Variants in SNTB2 observed in about 807,000 individuals in gnomAD.
The protein encoded by SNTB2 is syntrophin beta 2.
Under a neutral mutation model 46.2 loss-of-function variants are expected in SNTB2, and 34 were observed. That is an observed-to-expected ratio of 0.74 (90% confidence interval 0.56 to 0.98). The LOEUF (loss-of-function observed/expected upper bound fraction) is 0.98. Among genes scored for constraint, SNTB2 ranks in the 50% least tolerant of loss-of-function variants. The pLI, the probability that SNTB2 is intolerant of heterozygous loss-of-function variation, is 0.00. For synonymous variants in SNTB2, 290 were observed against 312.6 expected (o/e 0.93, Z 0.76); for missense variants, 603 against 731.4 (o/e 0.82, Z 2.02).
intron 1 of SNTB2, among the ~76,000 whole-genome samples, chr16:69,208,971 A>AGTGTGTGTGTGTGTGTGT (rs570119837): frequency 1.3e-5 from 2 of 149,120 alleles, no homozygotes; most frequent in African/African-American, 5.0e-5. Flanking sequence ...TGAATTTTTG[A>AGTGTGTGTGTGTGTGTGT]GTGTGTGTGT....
In SNTB2 at chr16:69,187,750, A is replaced by AGCGGGGCCGGGCGGGAGG. The variant is rs1964007924; in HGVS notation, c.580+6_580+23dup. Reference sequence around the variant, plus strand: ...GGCAAGGAGGTGCTGCTGGAGGGTGAGCGGGGCCGGGCGGGAGGGTGGGCA... The same window carrying AGCGGGGCCGGGCGGGAGG: ...GGCAAGGAGGTGCTGCTGGAGGGTGAGCGGGGCCGGGCGGGAGGGCGGGGCCGGGCGGGAGGGTGGGCA... On this transcript the variant is annotated splice_donor_region_variant and intron_variant, in intron 1 of 6. Coordinates refer to ENST00000336278, the MANE Select transcript of SNTB2 (RefSeq NM_006750.4). 1 of 268,624 alleles carries AGCGGGGCCGGGCGGGAGG rather than the reference A, an allele frequency of 3.7e-6. No individual in the cohort carries two copies. Among genetic ancestry groups the AGCGGGGCCGGGCGGGAGG allele is most frequent in the Non-Finnish European group, 6.3e-6 (1 of 159,526 alleles). The allele number at this position is 268,624 out of a possible 1,614,324, so 16.6% of individuals were successfully genotyped here.
chr16:69,216,792 C>A (rs768481463), intron 1 of SNTB2, among the ~76,000 whole-genome samples: 1 of 151,632 alleles, frequency 6.6e-6, no homozygotes, highest in Non-Finnish European at 1.5e-5. Flanking sequence ...AAAGTAATAA[C>A]CTTCTTTTGA....
At chr16:69,290,521 T>C (rs1335088211) in intron 5 of SNTB2, among the ~76,000 whole-genome samples, 3 of 152,162 alleles carry the variant, frequency 2.0e-5, no homozygotes, top group African/African-American at 7.2e-5. Flanking sequence ...TGTTAAAATA[T>C]ATGAAGAAAG....
chr16:69,249,485 G>A (rs1028827244), intron 2 of SNTB2, among the ~76,000 whole-genome samples: 3 of 152,168 alleles, frequency 2.0e-5, no homozygotes, highest in Non-Finnish European at 4.4e-5. Flanking sequence ...ATTGCTAAAC[G>A]TTGTGCTACT....
chr16:69,242,087 GT>G (rs1233018806), intron 1 of SNTB2, among the ~76,000 whole-genome samples: 1 of 152,070 alleles, frequency 6.6e-6, no homozygotes, highest in Non-Finnish European at 1.5e-5. Context: ...GTGCATTATA[GT>G]TTTTGAAGCC....
chr16:69,274,262 A>C (rs961019242), intron 4 of SNTB2, among the ~76,000 whole-genome samples: 1 of 151,516 alleles, frequency 6.6e-6, no homozygotes. Flanking sequence ...CAGTGAGCTG[A>C]TACTGCACCA....
At chr16:69,189,868 C>T (rs1381873841) in intron 1 of SNTB2, among the ~76,000 whole-genome samples, 2 of 152,196 alleles carry the variant, frequency 1.3e-5, no homozygotes, top group Non-Finnish European at 2.9e-5. Flanking sequence ...AAATAGGCCA[C>T]GTGTGCTTTT....
intron 1 of SNTB2, among the ~76,000 whole-genome samples, chr16:69,216,595 A>G (rs1964349361): frequency 6.6e-6 from 1 of 151,804 alleles, no homozygotes; most frequent in Admixed American, 6.6e-5. Context: ...TGAGATGGGA[A>G]GATCGCTTAT....
chr16:69,280,282 C>A lies in SNTB2; in HGVS notation c.1149-3766C>A, dbSNP rs550462239. ...ACCTCTTTATACACAGACATGGCAA[C>A]CATCCGATTTCTCAATCCTTTCCCC... On this transcript the variant is annotated intron_variant, in intron 4 of 6. Transcript: ENST00000336278. 2.0e-5 allele frequency among the ~76,000 whole-genome samples: 3 copies of A among 152,380 alleles called. No homozygotes were observed. The South Asian group carries it at 6.2e-4, about 32-fold the overall frequency.
At chr16:69,217,884 T>G (rs1964363733) in intron 1 of SNTB2, among the ~76,000 whole-genome samples, 1 of 152,198 alleles carries the variant, frequency 6.6e-6, no homozygotes, top group Non-Finnish European at 1.5e-5. Context: ...AAAAAAAATT[T>G]TTTTTAGGTA....
At chr16:69,269,997 A>G in intron 3 of SNTB2, 146 bp from the exon 4 acceptor site, 1 of 866,086 alleles carries the variant, frequency 1.2e-6, no homozygotes, top group South Asian at 1.5e-5. Flanking sequence ...TACCAGTGTA[A>G]ACTTGGTGAG....
chr16:69,256,459 A>G (rs1388397928), intron 2 of SNTB2, among the ~76,000 whole-genome samples: 3 of 152,162 alleles, frequency 2.0e-5, no homozygotes, highest in Middle Eastern at 6.8e-3. Flanking sequence ...AAACTAAAAT[A>G]CTCTACTCAT....
intron 1 of SNTB2, among the ~76,000 whole-genome samples, chr16:69,216,600 G>A (rs1208272228): frequency 1.3e-5 from 2 of 151,424 alleles, no homozygotes; most frequent in Non-Finnish European, 2.9e-5. Context: ...TGGGAAGATC[G>A]CTTATACATG....
intron 2 of SNTB2, among the ~76,000 whole-genome samples, chr16:69,256,551 T>C (rs1005150948): frequency 6.6e-6 from 1 of 152,240 alleles, no homozygotes; most frequent in Admixed American, 6.5e-5. Context: ...AGATACTTCA[T>C]GAAAGTAGGC....
At chr16:69,288,729 A>C (rs1965130631) in intron 5 of SNTB2, among the ~76,000 whole-genome samples, 1 of 152,252 alleles carries the variant, frequency 6.6e-6, no homozygotes, top group Non-Finnish European at 1.5e-5. Flanking sequence ...TCAGAAAGAT[A>C]CCTGCACCTC....
intron 1 of SNTB2, among the ~76,000 whole-genome samples, chr16:69,239,631 C>T (rs961961211): frequency 2.3e-4 from 35 of 152,290 alleles, no homozygotes; most frequent in African/African-American, 8.2e-4. Flanking sequence ...TCACTGCAAC[C>T]TCTGCCTCCT....
chr16:69,234,309 G>T (rs138740666), intron 1 of SNTB2, among the ~76,000 whole-genome samples: 1 of 152,246 alleles, frequency 6.6e-6, no homozygotes, highest in East Asian at 1.9e-4. Context: ...CTCCAGCCTG[G>T]GCAAGAGAGT....
At chr16:69,203,560 G>A (rs1597170760) in intron 1 of SNTB2, among the ~76,000 whole-genome samples, 2 of 150,880 alleles carry the variant, frequency 1.3e-5, no homozygotes, top group African/African-American at 4.9e-5. Context: ...GGCTTGCCTT[G>A]AATTTCTGGC....
intron 4 of SNTB2, among the ~76,000 whole-genome samples, chr16:69,277,135 C>T (rs531330058): frequency 1.2e-4 from 19 of 152,136 alleles, no homozygotes; most frequent in Non-Finnish European, 2.2e-4. Context: ...TTGACAAACA[C>T]GTTTAGTGAG....
Sources: gnomAD v4.1 joint callset for allele counts (sites outside exome capture counted in the v4.1 genomes callset) on GRCh38, gnomAD v4.1.1 for gene constraint, MANE v1.5 for transcripts, NCBI Gene and HGNC (gene_info 2026-07-23, HGNC 2026-07-21) for gene names.